MED28: variants seen among roughly 807,000 people sequenced by gnomAD.
The protein encoded by MED28 is mediator complex subunit 28.
Under a neutral mutation model 21.3 loss-of-function variants are expected in MED28, and 26 were observed. That is an observed-to-expected ratio of 1.22 (90% CI 0.89 to 1.69). The LOEUF (loss-of-function observed/expected upper bound fraction) is 1.69, where lower values mean the gene tolerates loss of function less well. MED28 is among the 40% of genes most tolerant of loss of function. The pLI, the probability that MED28 is intolerant of heterozygous loss-of-function variation, is 0.00. For missense variants in MED28, 257 were observed against 215.4 expected (o/e 1.19, Z -1.21); for synonymous variants, 110 against 87.6 (o/e 1.26, Z -1.43).
intron 1 of MED28, among the ~76,000 whole-genome samples, chr4:17,616,553 C>T (rs16895312): frequency 6.6e-6 from 1 of 152,194 alleles, no homozygotes; most frequent in Non-Finnish European, 1.5e-5. Context: ...TGCGTTCTCT[C>T]CTTCAGACTC....
intron 1 of MED28, among the ~76,000 whole-genome samples, chr4:17,617,325 C>A (rs772281437): frequency 6.6e-6 from 1 of 152,252 alleles, no homozygotes; most frequent in Non-Finnish European, 1.5e-5. Context: ...CACCTACTTA[C>A]CTGCTTCTCA....
chr4:17,622,785 G>C (rs1300334195), intron 3 of MED28, among the ~76,000 whole-genome samples: 3 of 152,162 alleles, frequency 2.0e-5, no homozygotes, highest in Non-Finnish European at 4.4e-5. Context: ...CCATGTGGCT[G>C]GGGAGGCCTC....
In MED28 at chr4:17,632,767, G is replaced by A. The variant is rs1310629815; in HGVS notation, c.*8969G>A. 3.5e-6 allele frequency: 2 copies of A among 578,522 alleles called. No homozygotes were observed. The highest frequency in any genetic ancestry group is 1.9e-5 in the African/African-American group (1 of 53,320). The allele number at this position is 578,522 out of a possible 1,614,324, so 35.8% of individuals were successfully genotyped here. ...ATGGGACTGGCCAACATTAGTAGTG[G>A]GAAACAAATTGTAAAGGATGGGGCT... On this transcript the variant is annotated 3_prime_UTR_variant, in exon 4 of 4. Transcript: ENST00000237380.
Position 17,629,406 on chromosome 4 carries a change from A to C in MED28, c.*5608A>C, listed in dbSNP as rs1714859236. 6.6e-6 allele frequency: 1 copy of C among 152,228 alleles called. No individual in the cohort carries two copies. Among genetic ancestry groups the C allele is most frequent in the Admixed American group, 6.5e-5 (1 of 15,280 alleles). The allele number at this position is 152,228 out of a possible 1,614,324, so 9.4% of individuals were successfully genotyped here. ...GATCCTGGAGAAAAATTAACCAAGT[A>C]GCCTCAATCACAAATGTTGGGTTGG... On this transcript the variant is annotated 3_prime_UTR_variant, in exon 4 of 4. Coordinates refer to ENST00000237380, the MANE Select transcript of MED28 (RefSeq NM_025205.5).
In MED28 at chr4:17,624,560, T is replaced by G. The variant is rs1436387657; in HGVS notation, c.*762T>G. The G allele has an allele frequency of 6.6e-6, 1 of 151,896 alleles. No homozygotes were observed. Among genetic ancestry groups the G allele is most frequent in the Non-Finnish European group, 1.5e-5 (1 of 68,020 alleles). The allele number at this position is 151,896 out of a possible 1,614,324, so 9.4% of individuals were successfully genotyped here. The stretch of plus-strand genomic sequence containing the variant: ...CTGTTTAATGGGTCAGTCACTGTTT[T>G]CAGTAGCATGACAGTGGGGTCATAG... On this transcript the variant is annotated 3_prime_UTR_variant, in exon 4 of 4. Coordinates refer to ENST00000237380, the MANE Select transcript of MED28 (RefSeq NM_025205.5).
In MED28 at chr4:17,621,764, G is replaced by T. The variant is rs185810313; in HGVS notation, c.339+65G>T. 218 of 1,067,210 alleles carry T rather than the reference G, an allele frequency of 2.0e-4. No homozygotes were observed. The African/African-American group carries it at 3.3e-3, about 16-fold the overall frequency. The allele number at this position is 1,067,210 out of a possible 1,614,324, so 66.1% of individuals were successfully genotyped here. On this transcript the variant is annotated intron_variant, in intron 3 of 3. Transcript: ENST00000237380. ...TAAGTGGTGCCAGGATTCCTTTTAT[G>T]CTTTAAATGAGATGTAACCGTTTCC...
Position 17,632,408 on chromosome 4 carries a change from T to C in MED28, c.*8610T>C. ...TGAAGTGTTAACGCCAAAATTTGTT[T>C]TAGCTATCATATATAAATCATAAGC... On this transcript the variant is annotated 3_prime_UTR_variant, in exon 4 of 4. Coordinates refer to ENST00000237380, the MANE Select transcript of MED28 (RefSeq NM_025205.5). The C allele has an allele frequency of 1.2e-6, 1 of 807,724 alleles. No homozygotes were observed. The allele number at this position is 807,724 out of a possible 1,614,324, so 50.0% of individuals were successfully genotyped here.
chr4:17,620,660 A>G (rs1227126174), intron 2 of MED28, among the ~76,000 whole-genome samples: 2 of 143,418 alleles, frequency 1.4e-5, no homozygotes, highest in East Asian at 2.1e-4. Context: ...ACTGTAAATT[A>G]TGATGCTGAT....
chr4:17,615,486 C>T (rs1277300405), intron 1 of MED28, among the ~76,000 whole-genome samples: 1 of 152,144 alleles, frequency 6.6e-6, no homozygotes, highest in Non-Finnish European at 1.5e-5. Context: ...AAGTAATGTA[C>T]GTTCAAATTG....
In MED28 at chr4:17,619,945, C is replaced by T. The variant is rs370039791; in HGVS notation, c.204C>T (p.Thr68=). The change falls in exon 2 of 4, where the codon ACC becomes ACT. Residue 68 remains threonine, a synonymous_variant. Coordinates refer to ENST00000237380, the MANE Select transcript of MED28 (RefSeq NM_025205.5). The part of the protein sequence containing the change: ...SLVSQDYVNG[T]DQEEIRTGVD... ...TGAGTCAGGACTATGTCAATGGCAC[C>T]GATCAGGAAGAAATTCGAACCGGTA... 9.3e-6 allele frequency: 15 copies of T among 1,613,958 alleles called. No homozygotes were observed. The highest frequency in any genetic ancestry group is 8.0e-5 in the African/African-American group (6 of 74,914).
chr4:17,623,526 A>G, intron 3 of MED28, 75 bp from the exon 4 acceptor site: 2 of 1,398,690 alleles, frequency 1.4e-6, no homozygotes, highest in Non-Finnish European at 2.0e-6. Context: ...TTGAATTGTT[A>G]GCCTCTTAAC....
intron 1 of MED28, among the ~76,000 whole-genome samples, chr4:17,617,262 C>T (rs924198339): frequency 9.2e-5 from 14 of 152,316 alleles, no homozygotes; most frequent in African/African-American, 2.6e-4. Context: ...CTGTTTCCTT[C>T]CTTGTGTTCT....
At chr4:17,622,581 G>T (rs1005287911) in intron 3 of MED28, among the ~76,000 whole-genome samples, 5 of 152,174 alleles carry the variant, frequency 3.3e-5, no homozygotes, top group African/African-American at 1.2e-4. Flanking sequence ...GGATTTTCTT[G>T]TAAACAGTTG....
At chr4:17,620,015 T>G in intron 2 of MED28, 48 bp downstream of exon 2, 1 of 1,523,866 alleles carries the variant, frequency 6.6e-7, no homozygotes, top group Non-Finnish European at 9.1e-7. Context: ...CAGCAGTATT[T>G]CCTAGTTGCT....
Position 17,632,692 on chromosome 4 carries a change from C to A in MED28, c.*8894C>A. On this transcript the variant is annotated 3_prime_UTR_variant, in exon 4 of 4. Coordinates refer to ENST00000237380, the MANE Select transcript of MED28 (RefSeq NM_025205.5). ...ATGCAAGAAGCAGCTTAATACCCAC[C>A]ATCTTTTCAGGGAAAGATAACTGCT... The A allele has an allele frequency of 1.9e-6, 2 of 1,058,758 alleles. No homozygotes were observed. The highest frequency in any genetic ancestry group is 2.8e-6 in the Non-Finnish European group (2 of 715,564). The allele number at this position is 1,058,758 out of a possible 1,614,324, so 65.6% of individuals were successfully genotyped here.
chr4:17,619,085 G>A (rs906439755), intron 1 of MED28, among the ~76,000 whole-genome samples: 1 of 152,154 alleles, frequency 6.6e-6, no homozygotes, highest in Non-Finnish European at 1.5e-5. Flanking sequence ...TTTTCCAACT[G>A]CCATGCTGTT....
chr4:17,620,459 G>A lies in MED28; in HGVS notation c.226+492G>A, dbSNP rs190555964. 2.0e-5 allele frequency among the ~76,000 whole-genome samples: 3 copies of A among 149,354 alleles called. No individual in the cohort carries two copies. The Admixed American group carries it at 2.0e-4, about 10-fold the overall frequency. On this transcript the variant is annotated intron_variant, in intron 2 of 3. Coordinates refer to ENST00000237380, the MANE Select transcript of MED28 (RefSeq NM_025205.5). Reference sequence around the variant, plus strand: ...GGCAGTTCTCTTGTCTCAGCCTCCCGCGTAGATGGAACTACAGGCATGCAC... The same window carrying A: ...GGCAGTTCTCTTGTCTCAGCCTCCCACGTAGATGGAACTACAGGCATGCAC...
At position 17,632,394 on chromosome 4, in the gene MED28, C is replaced by T. The variant is rs1384756475; in HGVS notation, c.*8596C>T. On this transcript the variant is annotated 3_prime_UTR_variant, in exon 4 of 4. Coordinates refer to ENST00000237380, the MANE Select transcript of MED28 (RefSeq NM_025205.5). ...CTGGCAGAACAGTATGAAGTGTTAACGCCAAAATTTGTTTTAGCTATCATA... is the reference window on the plus strand; with the variant it reads ...CTGGCAGAACAGTATGAAGTGTTAATGCCAAAATTTGTTTTAGCTATCATA... 1.8e-5 allele frequency: 12 copies of T among 663,334 alleles called. No homozygotes were observed. Among genetic ancestry groups the T allele is most frequent in the African/African-American group, 7.3e-5 (4 of 54,702 alleles). 41.1% of individuals were successfully genotyped at this position (663,334 alleles called of 1,614,324 possible).
intron 2 of MED28, among the ~76,000 whole-genome samples, chr4:17,621,018 G>GTTTTTT (rs10679446): frequency 2.3e-5 from 3 of 130,746 alleles, no homozygotes; most frequent in South Asian, 2.4e-4. Context: ...TCTGCCTTGT[G>GTTTTTT]TTTTTTTTTT....
Sources: allele counts gnomAD v4.1 joint callset (sites outside exome capture counted in the v4.1 genomes callset), GRCh38; gene constraint gnomAD v4.1.1; transcripts MANE v1.5; gene names NCBI Gene and HGNC (gene_info 2026-07-23, HGNC 2026-07-21).